Variants in ALMS1 observed in about 807,000 individuals in gnomAD.
The protein encoded by ALMS1 is centrosome-associated protein ALMS1.
A neutral mutation model predicts 352.2 loss-of-function variants in ALMS1; 271 were observed. That is an observed-to-expected ratio of 0.77 (90% confidence interval 0.70 to 0.85). ALMS1 has a LOEUF of 0.85. Ranked by LOEUF, ALMS1 falls within the 40% of genes least tolerant of loss-of-function variation. The pLI is 0.00. For missense variants in ALMS1, 5,445 were observed against 4,870.7 expected, an observed-to-expected ratio of 1.12 and a Z score of -3.51; for synonymous variants, 1,865 against 1,761.2, an observed-to-expected ratio of 1.06 and a Z score of -1.48.
At chr2:73,547,498 A>C (rs755028046) in intron 12 of ALMS1, among the ~76,000 whole-genome samples, 23 of 152,108 alleles carry the variant, frequency 1.5e-4, no homozygotes, top group Non-Finnish European at 2.8e-4. Context: ...ATTGTATGGC[A>C]TTTAGTACAA....
intron 10 of ALMS1, among the ~76,000 whole-genome samples, chr2:73,496,555 A>T (rs1463021815): frequency 6.6e-6 from 1 of 152,132 alleles, no homozygotes; most frequent in South Asian, 2.1e-4. Flanking sequence ...ATTTATATAC[A>T]GGTTTTTGTT....
At chr2:73,590,056 T>C (rs1036554907) in intron 16 of ALMS1, among the ~76,000 whole-genome samples, 7 of 152,000 alleles carry the variant, frequency 4.6e-5, no homozygotes, top group African/African-American at 1.7e-4. Flanking sequence ...TTTTTTTTTT[T>C]CTTTTTAATG....
At chr2:73,464,208 C>G (rs931007156) in intron 9 of ALMS1, among the ~76,000 whole-genome samples, 6 of 152,148 alleles carry the variant, frequency 3.9e-5, no homozygotes, top group African/African-American at 1.2e-4. Context: ...AAAATACTGG[C>G]AAACTGAATC....
intron 7 of ALMS1, 90 bp downstream of exon 7, chr2:73,432,381 A>T: frequency 1.2e-6 from 1 of 847,498 alleles, no homozygotes; most frequent in South Asian, 1.5e-5. Flanking sequence ...TGTATTTTTT[A>T]ATATCTATAA....
In ALMS1 at chr2:73,572,824, T is replaced by C. The variant is rs373024720; in HGVS notation, c.10947T>C (p.Ser3649=). Residue 3649 remains serine, a synonymous_variant, in exon 16 of 23, where the codon AGT becomes AGC. Coordinates refer to ENST00000613296, the MANE Select transcript of ALMS1 (RefSeq NM_001378454.1). ...PITHSLQVSE[S]THDDSRGERS... ...CACATTCTCTCCAGGTCTCAGAAAG[T>C]ACACATGATGATAGCAGAGGGGAAC... 1.2e-6 allele frequency: 2 copies of C among 1,613,842 alleles called. No individual in the cohort carries two copies. The highest frequency in any genetic ancestry group is 1.3e-5 in the African/African-American group (1 of 74,846).
rs771027461 is a variant in ALMS1, at chr2:73,490,037, A to C, written c.8078A>C (p.Glu2693Ala). 6.2e-7 allele frequency: 1 copy of C among 1,614,204 alleles called. No homozygotes were observed. Among genetic ancestry groups the C allele is most frequent in the South Asian group, 1.1e-5 (1 of 91,078 alleles). Residue 2693 changes from glutamate to alanine, a missense_variant, in exon 10 of 23, where the codon GAA becomes GCA. Coordinates refer to ENST00000613296, the MANE Select transcript of ALMS1 (RefSeq NM_001378454.1). Reference sequence around the variant, plus strand: ...GAACCTGCTTTTGTGCCACCTAAAGAAGTGGATTTTCATTCTTCATCACAA... The same window carrying C: ...GAACCTGCTTTTGTGCCACCTAAAGCAGTGGATTTTCATTCTTCATCACAA... ...LVEPAFVPPK[E>A]VDFHSSSQMP... is the part of the protein sequence containing the mutation.
intron 16 of ALMS1, among the ~76,000 whole-genome samples, chr2:73,586,898 T>G (rs1345685799): frequency 6.6e-6 from 1 of 152,162 alleles, no homozygotes; most frequent in Admixed American, 6.5e-5. Flanking sequence ...TAGGTTTCCA[T>G]TTGTTTGTGT....
In ALMS1 at chr2:73,572,733, A is replaced by G. The variant is rs779029779; in HGVS notation, c.10856A>G (p.Asp3619Gly). 1.2e-6 allele frequency: 2 copies of G among 1,614,102 alleles called. No individual in the cohort carries two copies. The highest frequency in any genetic ancestry group is 2.2e-5 in the South Asian group (2 of 91,060). Residue 3619 changes from aspartate to glycine, a missense_variant, in exon 16 of 23, where the codon GAC (aspartate) becomes GGC (glycine). Asp to Gly is a moderately conservative substitution (Grantham distance 94). Transcript: ENST00000613296. ...CAACAGAGACAGCCTGAGTTGGGTG[A>G]CAGGAAAGAACTGTCCTTGGTGGAC... ...QRQQRQPELGDRKELSLVDRL... is the reference protein window; with the variant it reads ...QRQQRQPELGGRKELSLVDRL...
chr2:73,491,586 A>G, intron 10 of ALMS1, 88 bp downstream of exon 10: 2 of 1,415,498 alleles, frequency 1.4e-6, no homozygotes, highest in Non-Finnish European at 9.9e-7. Context: ...TCTTGGGGGA[A>G]AGGCCGTGTG....
Position 73,550,417 on chromosome 2 carries a change from C to T in ALMS1, c.10058C>T (p.Pro3353Leu). ...TKASLPVGEK[P>L]LQNENADASV... ...GCATCCTTGCCAGTGGGAGAAAAAC[C>T]CTTGCAGAATGAAAATGCAGGTAAC... The change falls in exon 13 of 23, where the codon CCC becomes CTC. Residue 3353 changes from proline to leucine, a missense_variant. Pro to Leu is a moderately conservative substitution (Grantham distance 98, BLOSUM62 -3). Transcript: ENST00000613296. 1 of 1,614,012 alleles carries T rather than the reference C, an allele frequency of 6.2e-7. No homozygotes were observed.
chr2:73,404,213 G>T (rs1314411226), intron 1 of ALMS1, among the ~76,000 whole-genome samples: 3 of 152,136 alleles, frequency 2.0e-5, no homozygotes, highest in Non-Finnish European at 4.4e-5. Flanking sequence ...CATTCTAACA[G>T]TGTCGATTTT....
In ALMS1 at chr2:73,450,828, A is replaced by G. The variant is rs760356683; in HGVS notation, c.4301A>G (p.Lys1434Arg). 6 of 1,614,054 alleles carry G rather than the reference A, an allele frequency of 3.7e-6. No homozygotes were observed. In the South Asian group the frequency reaches 6.6e-5, roughly 18 times the overall value. The stretch of plus-strand genomic sequence containing the variant: ...TCTACTTTCTACTCACACACAGAGA[A>G]GCCTGGTAGTTTCTACCAACAGGTC... ...LPSTFYSHTE[K>R]PGSFYQQVLP... Residue 1434 changes from lysine (K) to arginine (R), a missense_variant, in exon 8 of 23, where the codon AAG becomes AGG. By Grantham distance (26) the Lys-to-Arg change is conservative. Transcript: ENST00000613296.
chr2:73,430,850 C>A (rs188271619), intron 6 of ALMS1, among the ~76,000 whole-genome samples: 17 of 152,138 alleles, frequency 1.1e-4, no homozygotes, highest in African/African-American at 3.9e-4. Flanking sequence ...TCAGAACATA[C>A]CCACATCATT....
chr2:73,503,242 T>A (rs1213392242), intron 10 of ALMS1, among the ~76,000 whole-genome samples: 2 of 151,940 alleles, frequency 1.3e-5, no homozygotes, highest in Non-Finnish European at 2.9e-5. Flanking sequence ...ATGCTATCCC[T>A]CCCCCCTTCC....
chr2:73,509,200 C>T (rs1673399979), intron 10 of ALMS1, among the ~76,000 whole-genome samples: 1 of 152,078 alleles, frequency 6.6e-6, no homozygotes, highest in Non-Finnish European at 1.5e-5. Flanking sequence ...GACTCTTTAT[C>T]CAGTTTGCCA....
Position 73,549,854 on chromosome 2 carries a change from C to T in ALMS1, c.9908-413C>T, listed in dbSNP as rs72811944. 2.3e-3 allele frequency among the ~76,000 whole-genome samples: 353 copies of T among 151,792 alleles called. 1 individual carries two copies. Among genetic ancestry groups the T allele is most frequent in the South Asian group, 0.013 (62 of 4,806 alleles). ...GTAGTGTAGTGTTTTTTTGTTTGTT[C>T]GTTTGTTTGTTTGTTTGTTTTTTAA... On this transcript the variant is annotated intron_variant, in intron 12 of 22. Transcript: ENST00000613296.
intron 13 of ALMS1, among the ~76,000 whole-genome samples, chr2:73,555,267 CAG>C (rs1200852682): frequency 6.6e-6 from 1 of 151,980 alleles, no homozygotes; most frequent in Non-Finnish European, 1.5e-5. Flanking sequence ...AAGGAATAAA[CAG>C]AAAGAAAAAT....
chr2:73,506,206 T>G (rs1673316863), intron 10 of ALMS1, among the ~76,000 whole-genome samples: 1 of 152,340 alleles, frequency 6.6e-6, no homozygotes, highest in South Asian at 2.1e-4. Context: ...TAGTATAGTT[T>G]GAAGTCAGGT....
chr2:73,493,617 G>A (rs1673038016), intron 10 of ALMS1, among the ~76,000 whole-genome samples: 1 of 151,886 alleles, frequency 6.6e-6, no homozygotes, highest in East Asian at 1.9e-4. Context: ...AGCTACTCAG[G>A]AGGCTAAGGC....
Sources: gnomAD v4.1 joint callset for allele counts (sites outside exome capture counted in the v4.1 genomes callset) on GRCh38, gnomAD v4.1.1 for gene constraint, MANE v1.5 for transcripts, NCBI Gene and HGNC (gene_info 2026-07-23, HGNC 2026-07-21) for gene names.